SGK3: variants seen among roughly 807,000 people sequenced by gnomAD.
SGK3 encodes serine/threonine-protein kinase Sgk3.
A neutral mutation model predicts 68.5 loss-of-function variants in SGK3; 47 were observed. The ratio of observed to expected loss-of-function variants is 0.69; its 90% CI spans 0.54 to 0.87. The LOEUF (loss-of-function observed/expected upper bound fraction) is 0.87. Among genes scored for constraint, SGK3 ranks in the 40% least tolerant of loss-of-function variants. The probability of loss-of-function intolerance (pLI) is 0.00; values close to 1 mark genes in which losing one functional copy is unlikely to be tolerated. For missense variants in SGK3, 479 were observed against 575.5 expected, an observed-to-expected ratio of 0.83 and a Z score of 1.72; for synonymous variants, 181 against 189.1, an observed-to-expected ratio of 0.96 and a Z score of 0.35.
At chr8:66,806,203 T>C (rs539080620) in intron 4 of SGK3, among the ~76,000 whole-genome samples, 14 of 152,072 alleles carry the variant, frequency 9.2e-5, no homozygotes, top group African/African-American at 2.7e-4. Flanking sequence ...TTCTTTTTTT[T>C]CCCCCCTTGG....
intron 16 of SGK3, among the ~76,000 whole-genome samples, chr8:66,854,777 C>T (rs147124349): frequency 2.0e-5 from 3 of 152,204 alleles, no homozygotes; most frequent in East Asian, 1.9e-4. Flanking sequence ...ACTTCTAGTG[C>T]GTGCCCACTG....
chr8:66,859,430 G>A lies in SGK3; in HGVS notation c.1340G>A (p.Arg447Lys), dbSNP rs1309134844. Residue 447 changes from arginine (R) to lysine (K), a missense_variant, in exon 17 of 17, where the codon AGA becomes AAA. Transcript: ENST00000521198. Reference protein sequence around the residue: ...NPNVAGPDDIRNFDTAFTEET... With the variant: ...NPNVAGPDDIKNFDTAFTEET... Reference sequence around the variant, plus strand: ...TTTTAGGCTGGACCAGATGATATCAGAAACTTTGACACAGCATTTACAGAA... The same window carrying A: ...TTTTAGGCTGGACCAGATGATATCAAAAACTTTGACACAGCATTTACAGAA... 2.9e-5 allele frequency: 47 copies of A among 1,608,526 alleles called. No homozygotes were observed. The highest frequency in any genetic ancestry group is 3.7e-5 in the Non-Finnish European group (43 of 1,176,408).
At chr8:66,821,367 C>T (rs118017264) in intron 5 of SGK3, among the ~76,000 whole-genome samples, 3,155 of 152,064 alleles carry the variant, frequency 0.021, 48 homozygotes, top group Middle Eastern at 0.041. Flanking sequence ...TCTTGCTTCT[C>T]GCTGTTGACT....
At chr8:66,855,723 A>G (rs1810482964) in intron 16 of SGK3, among the ~76,000 whole-genome samples, 1 of 152,248 alleles carries the variant, frequency 6.6e-6, no homozygotes, top group Non-Finnish European at 1.5e-5. Context: ...AAATACAAAT[A>G]GCTTTCAATT....
At chr8:66,859,303 C>T in intron 16 of SGK3, 108 bp from the exon 17 acceptor site, 2 of 1,300,008 alleles carry the variant, frequency 1.5e-6, no homozygotes, top group Non-Finnish European at 2.0e-6. Context: ...ACTGGCATGC[C>T]AGCCCAGGTG....
At chr8:66,764,335 G>T (rs1806255378) in intron 1 of SGK3, among the ~76,000 whole-genome samples, 1 of 151,750 alleles carries the variant, frequency 6.6e-6, no homozygotes, top group South Asian at 2.1e-4. Context: ...TTATCAGTTA[G>T]GTCAATTTAT....
chr8:66,793,820 G>T lies in SGK3; in HGVS notation c.84G>T (p.Lys28Asn). 1 of 1,612,522 alleles carries T rather than the reference G, an allele frequency of 6.2e-7. No individual in the cohort carries two copies. The highest frequency in any genetic ancestry group is 1.3e-5 in the African/African-American group (1 of 74,958). ...GCTCCGATGAACACAGAGAGAAAAA[G>T]AAGAGGTTTACTGTAAGTATTTAAC... ...IPSSDEHREK[K>N]KRFTVYKVLV... Residue 28 changes from lysine (K) to asparagine (N), a missense_variant, in exon 2 of 17, where the codon AAG (lysine) becomes AAT (asparagine). Around this residue, in one of 3 missense-constraint regions of SGK3, gnomAD observed 298 missense variants for 329.4 expected, o/e 0.90. Coordinates refer to ENST00000521198, the MANE Select transcript of SGK3 (RefSeq NM_001033578.3).
intron 1 of SGK3, among the ~76,000 whole-genome samples, chr8:66,744,289 T>C (rs1320243959): frequency 6.6e-6 from 1 of 151,774 alleles, no homozygotes; most frequent in Non-Finnish European, 1.5e-5. Context: ...ATGCCATTCT[T>C]ATTCCTGAAC....
At chr8:66,723,833 AAGT>A (rs1457959940) in intron 1 of SGK3, among the ~76,000 whole-genome samples, 6 of 152,138 alleles carry the variant, frequency 3.9e-5, no homozygotes, top group Admixed American at 3.3e-4. Flanking sequence ...ATTCTGACAC[AAGT>A]ACCTTTCTCT....
rs763807082 is a variant in SGK3, at chr8:66,781,624, C to T, written c.-121-11992C>T. ...TGTCTGTAATAAAATGGAGCTGGCTCATGTGACTTTAGTTGAGGTTCTTGG... is the reference window on the plus strand; with the variant it reads ...TGTCTGTAATAAAATGGAGCTGGCTTATGTGACTTTAGTTGAGGTTCTTGG... On this transcript the variant is annotated intron_variant, in intron 1 of 16. Coordinates refer to ENST00000521198, the MANE Select transcript of SGK3 (RefSeq NM_001033578.3). Among the ~76,000 whole-genome samples, 6 of 152,230 alleles carry T rather than the reference C, an allele frequency of 3.9e-5. No individual in the cohort carries two copies. The East Asian group carries it at 7.7e-4, about 19-fold the overall frequency.
At chr8:66,801,409 A>G (rs1388872915) in intron 3 of SGK3, among the ~76,000 whole-genome samples, 2 of 152,208 alleles carry the variant, frequency 1.3e-5, no homozygotes, top group East Asian at 1.9e-4. Context: ...GAGTTTGTAC[A>G]TGGAAATATC....
intron 4 of SGK3, among the ~76,000 whole-genome samples, chr8:66,809,620 T>C (rs1485184589): frequency 6.6e-6 from 1 of 152,142 alleles, no homozygotes; most frequent in African/African-American, 2.4e-5. Context: ...AATTAAAAAA[T>C]CAAGGATTTA....
At chr8:66,748,623 A>C (rs939187135) in intron 1 of SGK3, among the ~76,000 whole-genome samples, 1 of 152,184 alleles carries the variant, frequency 6.6e-6, no homozygotes, top group Non-Finnish European at 1.5e-5. Flanking sequence ...AGGAACCCAC[A>C]GGACCAGGCC....
intron 1 of SGK3, among the ~76,000 whole-genome samples, chr8:66,783,176 G>A (rs989038059): frequency 1.3e-5 from 2 of 152,214 alleles, no homozygotes; most frequent in Non-Finnish European, 2.9e-5. Context: ...TTTCTGAAAA[G>A]TATGTAATGG....
At chr8:66,814,776 C>T (rs967581956) in intron 5 of SGK3, among the ~76,000 whole-genome samples, 2 of 152,162 alleles carry the variant, frequency 1.3e-5, no homozygotes, top group African/African-American at 4.8e-5. Context: ...TAGCTCCCAG[C>T]TAGGAAGATA....
chr8:66,835,671 G>A (rs1795128316), intron 8 of SGK3, 92 bp from the exon 9 acceptor site: 1 of 1,367,998 alleles, frequency 7.3e-7, no homozygotes, highest in East Asian at 2.4e-5. Flanking sequence ...TCTTTTTACA[G>A]AATTTAAGAA....
intron 14 of SGK3, among the ~76,000 whole-genome samples, chr8:66,844,606 C>T (rs1809932889): frequency 6.6e-6 from 1 of 152,230 alleles, no homozygotes; most frequent in African/African-American, 2.4e-5. Context: ...TCCTAGACTC[C>T]CTTTGTGGTC....
chr8:66,736,201 C>CT (rs1377898695), intron 1 of SGK3, among the ~76,000 whole-genome samples: 1 of 152,096 alleles, frequency 6.6e-6, no homozygotes. Context: ...TGTTATTAAG[C>CT]TTAGAATACA....
chr8:66,791,284 A>G (rs1807442935), intron 1 of SGK3, among the ~76,000 whole-genome samples: 1 of 152,160 alleles, frequency 6.6e-6, no homozygotes, highest in African/African-American at 2.4e-5. Context: ...CAGAGGACAA[A>G]AGCAAAGTGT....
Sources: gnomAD v4.1 joint callset for allele counts (sites outside exome capture counted in the v4.1 genomes callset) on GRCh38, gnomAD v4.1.1 for gene constraint, gnomAD v4.1.1 regional missense constraint, MANE v1.5 for transcripts, NCBI Gene and HGNC (gene_info 2026-07-23, HGNC 2026-07-21) for gene names.